Variants in RACK1 observed in about 807,000 individuals in gnomAD.
RACK1 encodes small ribosomal subunit protein RACK1.
In RACK1, 3 loss-of-function variants were observed where a neutral mutation model predicts 42.2. The observed-to-expected ratio is 0.07, with a 90% CI of 0.03 to 0.18. RACK1 has a LOEUF of 0.18. Among genes scored for constraint, RACK1 ranks in the 10% least tolerant of loss-of-function variants. The probability of loss-of-function intolerance (pLI) is 1.00; values close to 1 mark genes in which losing one functional copy is unlikely to be tolerated. For synonymous variants in RACK1, 181 were observed against 154.8 expected, an observed-to-expected ratio of 1.17 and a Z score of -1.25; for missense variants, 146 against 403.2, an observed-to-expected ratio of 0.36 and a Z score of 5.46.
In RACK1 at chr5:181,243,847, G is replaced by A. The variant is rs1201217536; in HGVS notation, c.-47C>T. ...CGCTGCAGCGACGAGGATGGCACTGGATGGCTTAGAGAAACTAGCACCACA... is the reference window on the plus strand; with the variant it reads ...CGCTGCAGCGACGAGGATGGCACTGAATGGCTTAGAGAAACTAGCACCACA... On this transcript the variant is annotated 5_prime_UTR_variant, in exon 1 of 8. Coordinates refer to ENST00000512805, the MANE Select transcript of RACK1 (RefSeq NM_006098.5). 3 of 1,556,804 alleles carry A rather than the reference G, an allele frequency of 1.9e-6. No homozygotes were observed. The highest frequency in any genetic ancestry group is 2.4e-5 in the East Asian group (1 of 41,728).
At chr5:181,237,926 TG>T in intron 6 of RACK1, 172 bp downstream of exon 6, 1 of 694,494 alleles carries the variant, frequency 1.4e-6, no homozygotes, top group South Asian at 1.8e-5. Flanking sequence ...CTAAACATCC[TG>T]GAATGTACAG....
At chr5:181,239,690 A>G in intron 3 of RACK1, 108 bp from the exon 4 acceptor site, 1 of 682,782 alleles carries the variant, frequency 1.5e-6, no homozygotes, top group South Asian at 1.8e-5. Context: ...CCTTTCAAAA[A>G]CCAAGAACCC....
Position 181,237,566 on chromosome 5 carries a change from A to G in RACK1, c.888+43T>C, listed in dbSNP as rs758499287. The G allele has an allele frequency of 4.0e-6, 4 of 1,006,946 alleles. No homozygotes were observed. The East Asian group carries it at 9.5e-5, about 24-fold the overall frequency. The allele number at this position is 1,006,946 out of a possible 1,614,324, so 62.4% of individuals were successfully genotyped here. Reference sequence around the variant, plus strand: ...ATACTAACAGAATGAGAGGGAGAAAATTAACTGGAAGCAGAATCACCTGAG... The same window carrying G: ...ATACTAACAGAATGAGAGGGAGAAAGTTAACTGGAAGCAGAATCACCTGAG... On this transcript the variant is annotated intron_variant, in intron 7 of 7. Transcript: ENST00000512805.
chr5:181,241,793 G>A (rs371389536), intron 2 of RACK1, 154 bp from the exon 3 acceptor site: 14 of 856,644 alleles, frequency 1.6e-5, no homozygotes, highest in Middle Eastern at 2.1e-4. Flanking sequence ...GTATATGAAA[G>A]AGAAGAGCCA....
rs1415300255 is a variant in RACK1 at position 181,241,643 on chromosome 5, A to C, written c.282-4T>G. On this transcript the variant is annotated splice_region_variant and splice_polypyrimidine_tract_variant and intron_variant, in intron 2 of 7. Coordinates refer to ENST00000512805, the MANE Select transcript of RACK1 (RefSeq NM_006098.5). ...AAATCGCCTCGTGGTGGTGCCCCTG[A>C]GAGGGAGGAGTTTGTCATTCTCAGA... 1.2e-6 allele frequency: 2 copies of C among 1,613,908 alleles called. No homozygotes were observed. The highest frequency in any genetic ancestry group is 1.7e-5 in the Admixed American group (1 of 60,010).
chr5:181,242,495 C>CGCGGATCACCTGAGGTCAGGAGTTTG, intron 1 of RACK1, 150 bp from the exon 2 acceptor site: 1 of 669,466 alleles, frequency 1.5e-6, no homozygotes. Flanking sequence ...AGAGCAGTTA[C>CGCGGATCACCTGAGGTCAGGAGTTTG]AGACCAGGAC....
At chr5:181,240,020 G>A (rs1369660796) in intron 3 of RACK1, among the ~76,000 whole-genome samples, 6 of 152,072 alleles carry the variant, frequency 3.9e-5, no homozygotes, top group Non-Finnish European at 7.4e-5. Context: ...ACTCCAGCCT[G>A]GGCAACGAAC....
intron 4 of RACK1, 114 bp downstream of exon 4, chr5:181,239,373 C>A (rs1561679768): frequency 2.4e-6 from 2 of 820,450 alleles, no homozygotes; most frequent in South Asian, 2.7e-5. Flanking sequence ...GACCATGTGA[C>A]AAGAGAAAGA....
chr5:181,237,282 A>T lies in RACK1; in HGVS notation c.889-240T>A, dbSNP rs79176548. 5,358 of 764,198 alleles carry T rather than the reference A, an allele frequency of 7.0e-3. 207 individuals are homozygous for T. In the African/African-American group the frequency reaches 0.079, roughly 11 times the overall value. The allele number at this position is 764,198 out of a possible 1,614,324, so 47.3% of individuals were successfully genotyped here. Reference sequence around the variant, plus strand: ...GGGTAGACTGTAAGAAACCGCTCTCATTTCAACAGCCAGCTTGTAAGTGGT... The same window carrying T: ...GGGTAGACTGTAAGAAACCGCTCTCTTTTCAACAGCCAGCTTGTAAGTGGT... On this transcript the variant is annotated intron_variant, in intron 7 of 7. Coordinates refer to ENST00000512805, the MANE Select transcript of RACK1 (RefSeq NM_006098.5).
intron 2 of RACK1, chr5:181,241,920 G>C (rs1167393162): frequency 1.3e-6 from 1 of 767,158 alleles, no homozygotes; most frequent in Middle Eastern, 2.3e-4. Flanking sequence ...AATTACCTGA[G>C]CTTTCAAGGT....
At chr5:181,243,641 G>C (rs1759442818) in intron 1 of RACK1, 51 bp downstream of exon 1, 13 of 1,546,588 alleles carry the variant, frequency 8.4e-6, no homozygotes, top group Non-Finnish European at 1.1e-5. Flanking sequence ...ACGACACGCG[G>C]AATCCCCCAG....
In RACK1 at chr5:181,243,892, T is replaced by G; in HGVS notation, c.-92A>C. On this transcript the variant is annotated 5_prime_UTR_variant, in exon 1 of 8. Coordinates refer to ENST00000512805, the MANE Select transcript of RACK1 (RefSeq NM_006098.5). Reference sequence around the variant, plus strand: ...ACCACAACCTCTCCTGCCGCCGCCTTGCAGTGAAAGAGAGAGAGAAAAGCC... The same window carrying G: ...ACCACAACCTCTCCTGCCGCCGCCTGGCAGTGAAAGAGAGAGAGAAAAGCC... 2.7e-6 allele frequency: 4 copies of G among 1,475,080 alleles called. No individual in the cohort carries two copies. Among genetic ancestry groups the G allele is most frequent in the South Asian group, 2.7e-5 (2 of 73,800 alleles). The allele number at this position is 1,475,080 out of a possible 1,614,324, so 91.4% of individuals were successfully genotyped here.
intron 3 of RACK1, chr5:181,241,170 T>C: frequency 4.8e-6 from 1 of 206,998 alleles, no homozygotes; most frequent in Non-Finnish European, 9.6e-6. Context: ...GGCTCACGCC[T>C]GTAATCCCAA....
intron 5 of RACK1, 86 bp downstream of exon 5, chr5:181,238,981 T>C (rs1193760492): frequency 9.4e-6 from 8 of 852,548 alleles, no homozygotes; most frequent in Non-Finnish European, 1.6e-5. Context: ...GGCTAATGTT[T>C]GCCATTTTAC....
Position 181,241,558 on chromosome 5 carries a change from G to A in RACK1, c.363C>T (p.Val121=), listed in dbSNP as rs1759347264. The A allele has an allele frequency of 3.7e-6, 6 of 1,613,912 alleles. No individual in the cohort carries two copies. Among genetic ancestry groups the A allele is most frequent in the Non-Finnish European group, 5.1e-6 (6 of 1,179,910 alleles). The stretch of plus-strand genomic sequence containing the variant: ...TGATGGTTTTATCTCGAGATCCAGA[G>A]ACAATCTGCCGGTTGTCAGAGGAGA... The part of the protein sequence containing the change: ...VAFSSDNRQI[V]SGSRDKTIKL... The change falls in exon 3 of 8, where the codon GTC becomes GTT. Residue 121 remains valine (V), a synonymous_variant. Coordinates refer to ENST00000512805, the MANE Select transcript of RACK1 (RefSeq NM_006098.5).
chr5:181,240,209 GC>G, intron 3 of RACK1: 1 of 165,502 alleles, frequency 6.0e-6, no homozygotes, highest in Non-Finnish European at 1.3e-5. Context: ...CAAAAAATTA[GC>G]CAGACCTGAT....
rs868812402 is a variant in RACK1, at chr5:181,237,009, G to A, written c.922C>T (p.Arg308Ter). The A allele has an allele frequency of 6.2e-7, 1 of 1,613,796 alleles. No homozygotes were observed. Among genetic ancestry groups the A allele is most frequent in the Non-Finnish European group, 8.5e-7 (1 of 1,179,966 alleles). The stretch of plus-strand genomic sequence containing the variant: ...GTGCCAATGGTCACCTGCCACACTC[G>A]CACCAGGTTGTCCGTGTAGCCAGCA... ...LFAGYTDNLV[R>*]VWQVTIGTR The change falls in exon 8 of 8, where the codon CGA (arginine) becomes TGA (stop). Residue 308 changes from arginine (R) to a stop codon, truncating the protein, a stop_gained. Transcript: ENST00000512805. LOFTEE classifies it high-confidence loss of function.
At position 181,243,375 on chromosome 5, in the gene RACK1, G is replaced by GC. The variant is rs569924884; in HGVS notation, c.109+316dup. 5.3e-4 allele frequency: 748 copies of GC among 1,404,522 alleles called. 3 individuals carry two copies. The African/African-American group carries it at 9.6e-3, about 18-fold the overall frequency. 87.0% of individuals were successfully genotyped at this position (1,404,522 alleles called of 1,614,324 possible). A position where few individuals can be genotyped will look rare whatever the true frequency, so the allele number is the denominator to read the frequency against. On this transcript the variant is annotated intron_variant, in intron 1 of 7. Coordinates refer to ENST00000512805, the MANE Select transcript of RACK1 (RefSeq NM_006098.5). ...CAGATGGCATGTTGGGGTCATCACCGCCCCGCCCGGCCCGTAGGCCCCCGG... is the reference window on the plus strand; with the variant it reads ...CAGATGGCATGTTGGGGTCATCACCGCCCCCGCCCGGCCCGTAGGCCCCCGG...
chr5:181,242,400 A>C, intron 1 of RACK1, 55 bp from the exon 2 acceptor site: 1 of 1,206,772 alleles, frequency 8.3e-7, no homozygotes, highest in South Asian at 1.3e-5. Flanking sequence ...CCCGTTTAAC[A>C]CACTGGATAA....
Sources: gnomAD v4.1 joint callset for allele counts (sites outside exome capture counted in the v4.1 genomes callset) on GRCh38, gnomAD v4.1.1 for gene constraint, MANE v1.5 for transcripts, NCBI Gene and HGNC (gene_info 2026-07-23, HGNC 2026-07-21) for gene names.